The following SEPTIN9 variants were observed in gnomAD, a reference collection of about 807,000 sequenced individuals.
The protein encoded by SEPTIN9 is septin-9.
Under a neutral mutation model 56.6 loss-of-function variants are expected in SEPTIN9, and 13 were observed. The observed-to-expected ratio is 0.23, with a 90% confidence interval of 0.15 to 0.37. SEPTIN9 has a LOEUF of 0.37. Among genes scored for constraint, SEPTIN9 ranks in the 10% least tolerant of loss-of-function variants. The pLI, the probability that SEPTIN9 is intolerant of heterozygous loss-of-function variation, is 1.00. For missense variants in SEPTIN9, 650 were observed against 823.1 expected, an observed-to-expected ratio of 0.79 and a Z score of 2.57; for synonymous variants, 332 against 334.1, an observed-to-expected ratio of 0.99 and a Z score of 0.07.
intron 2 of SEPTIN9, among the ~76,000 whole-genome samples, chr17:77,372,827 C>T (rs1025078115): frequency 2.0e-5 from 3 of 152,228 alleles, no homozygotes; most frequent in Admixed American, 6.5e-5. Context: ...CTGCGCCCCT[C>T]GGCTCTTGAG....
Position 77,369,243 on chromosome 17 carries a change from G to GAA in SEPTIN9, c.77-32813_77-32812dup, listed in dbSNP as rs2034651667. ...AGTGAGACCCTGTCAAAAAAGAAAAGAAAAGAAAGAAATTGGCCAAGGCAG... is the reference window on the plus strand; with the variant it reads ...AGTGAGACCCTGTCAAAAAAGAAAAGAAAAAAGAAAGAAATTGGCCAAGGCAG... On this transcript the variant is annotated intron_variant, in intron 2 of 11. Coordinates refer to ENST00000427177, the MANE Select transcript of SEPTIN9 (RefSeq NM_001113491.2). This position sits in a 1 kb window ranked among gnomAD's most constrained non-coding sequence, Gnocchi z 4.9. Among the ~76,000 whole-genome samples, 1 of 152,068 alleles carries GAA rather than the reference G, an allele frequency of 6.6e-6. No individual in the cohort carries two copies. The highest frequency in any genetic ancestry group is 1.5e-5 in the Non-Finnish European group (1 of 67,986).
intron 3 of SEPTIN9, among the ~76,000 whole-genome samples, chr17:77,477,855 C>T (rs943004367): frequency 1.3e-5 from 2 of 152,114 alleles, no homozygotes; most frequent in South Asian, 2.1e-4. Context: ...TGAGAGTCGA[C>T]GTGGGTACTG....
intron 2 of SEPTIN9, among the ~76,000 whole-genome samples, chr17:77,341,501 G>A (rs1290754474): frequency 1.3e-5 from 2 of 152,244 alleles, no homozygotes; most frequent in African/African-American, 2.4e-5. Flanking sequence ...ATCACTGGGC[G>A]CGGTGGCCCA....
intron 2 of SEPTIN9, among the ~76,000 whole-genome samples, chr17:77,363,586 C>T (rs1051675512): frequency 6.6e-6 from 1 of 151,902 alleles, no homozygotes; most frequent in African/African-American, 2.4e-5. Context: ...TGGTGTTTCA[C>T]CATGTTGGCC....
At chr17:77,299,655 C>A (rs937730095) in intron 1 of SEPTIN9, among the ~76,000 whole-genome samples, 1 of 152,180 alleles carries the variant, frequency 6.6e-6, no homozygotes, top group Non-Finnish European at 1.5e-5. Context: ...TAGGTGAGAC[C>A]CAGAGTCCCA....
chr17:77,456,629 G>T lies in SEPTIN9; in HGVS notation c.722-25515G>T, dbSNP rs1014314571. On this transcript the variant is annotated intron_variant, in intron 3 of 11. Coordinates refer to ENST00000427177, the MANE Select transcript of SEPTIN9 (RefSeq NM_001113491.2). The surrounding 1 kb of genome is among the most constrained non-coding windows in gnomAD (Gnocchi z 6.0). ...GTACCAGATCTCAGGGACCAGCACC[G>T]GGTACCCACAGCCAGGGACAGGCCT... 1 of 149,486 alleles carries T rather than the reference G, an allele frequency of 6.7e-6. No homozygotes were observed. Among genetic ancestry groups the T allele is most frequent in the African/African-American group, 2.4e-5 (1 of 41,002 alleles). 9.3% of individuals were successfully genotyped at this position (149,486 alleles called of 1,614,324 possible). A position where few individuals can be genotyped will look rare whatever the true frequency, so the allele number is the denominator to read the frequency against.
rs1377141879 is a variant in SEPTIN9 at position 77,436,026 on chromosome 17, C to G, written c.721+33323C>G. ...GCGCGTGTTCTCTTGGCCTCAGCCT[C>G]GTGTGTGTGTTTATGCATGGGTACT... On this transcript the variant is annotated intron_variant, in intron 3 of 11. Transcript: ENST00000427177. This position sits in a 1 kb window ranked among gnomAD's most constrained non-coding sequence, Gnocchi z 4.4. Among the ~76,000 whole-genome samples the G allele has an allele frequency of 6.6e-6, 1 of 152,166 alleles. No homozygotes were observed. Among genetic ancestry groups the G allele is most frequent in the Non-Finnish European group, 1.5e-5 (1 of 68,028 alleles).
At chr17:77,386,082 G>A (rs1306255245) in intron 2 of SEPTIN9, among the ~76,000 whole-genome samples, 1 of 151,662 alleles carries the variant, frequency 6.6e-6, no homozygotes, top group Non-Finnish European at 1.5e-5. Flanking sequence ...TGGCGCTTGT[G>A]ACTCCTGCAT....
At chr17:77,365,615 C>T (rs2034548771) in intron 2 of SEPTIN9, among the ~76,000 whole-genome samples, 1 of 152,134 alleles carries the variant, frequency 6.6e-6, no homozygotes, top group Non-Finnish European at 1.5e-5. Context: ...GCAGGACAGG[C>T]CCTGTGGAGC....
chr17:77,352,250 A>C (rs2034088510), intron 2 of SEPTIN9, among the ~76,000 whole-genome samples: 1 of 151,576 alleles, frequency 6.6e-6, no homozygotes, highest in South Asian at 2.1e-4. Context: ...ACAAAAAAAA[A>C]AAAAAAATTA....
At chr17:77,302,542 G>A (rs2032096872) in intron 1 of SEPTIN9, among the ~76,000 whole-genome samples, 1 of 152,156 alleles carries the variant, frequency 6.6e-6, no homozygotes, top group Admixed American at 6.5e-5. Context: ...GCCGGGCGTG[G>A]TAGTGCATGC....
intron 2 of SEPTIN9, among the ~76,000 whole-genome samples, chr17:77,364,255 C>A (rs755269722): frequency 6.6e-6 from 1 of 152,222 alleles, no homozygotes; most frequent in African/African-American, 2.4e-5. Context: ...GCCAAGAGCG[C>A]GAGCCGAGGC....
At chr17:77,364,254 G>A (rs945681257) in intron 2 of SEPTIN9, among the ~76,000 whole-genome samples, 2 of 152,262 alleles carry the variant, frequency 1.3e-5, no homozygotes, top group African/African-American at 2.4e-5. Context: ...GGCCAAGAGC[G>A]CGAGCCGAGG....
intron 2 of SEPTIN9, among the ~76,000 whole-genome samples, chr17:77,359,802 A>C (rs1278724872): frequency 1.3e-5 from 2 of 149,156 alleles, no homozygotes; most frequent in Admixed American, 1.3e-4. Context: ...CTCTAAAAAC[A>C]ATAAAATAAA....
chr17:77,343,139 G>C (rs2033791107), intron 2 of SEPTIN9, among the ~76,000 whole-genome samples: 1 of 152,138 alleles, frequency 6.6e-6, no homozygotes, highest in African/African-American at 2.4e-5. Flanking sequence ...GAGGCGACTG[G>C]TGGCTGGAGG....
rs312836 is a variant in SEPTIN9, at chr17:77,453,236, C to T, written c.722-28908C>T. Among the ~76,000 whole-genome samples the T allele has an allele frequency of 1, 152,012 of 152,186 alleles. 75,920 individuals are homozygous for T. The highest frequency in any genetic ancestry group is 1 in the Middle Eastern group (294 of 294). On this transcript the variant is annotated intron_variant, in intron 3 of 11. Transcript: ENST00000427177. The surrounding 1 kb of genome is among the most constrained non-coding windows in gnomAD (Gnocchi z 4.4). ...TGCGACTTCTGCCCTGAGAGCCCTG[C>T]TTTAATGGAAGGCGGGGGCATAGTT...
rs72887170 is a variant in SEPTIN9 at position 77,471,424 on chromosome 17, C to A, written c.722-10720C>A. Among the ~76,000 whole-genome samples, 1,102 of 152,368 alleles carry A rather than the reference C, an allele frequency of 7.2e-3. 6 individuals are homozygous for A. The highest frequency in any genetic ancestry group is 0.012 in the South Asian group (59 of 4,830). The stretch of plus-strand genomic sequence containing the variant: ...AGCTTTTTTTCTACCCAGCACCTGG[C>A]AGGGGGCCACCCTGTTGCACCCCAG... On this transcript the variant is annotated intron_variant, in intron 3 of 11. Transcript: ENST00000427177.
intron 3 of SEPTIN9, among the ~76,000 whole-genome samples, chr17:77,440,724 G>A (rs575179247): frequency 4.6e-5 from 7 of 152,246 alleles, no homozygotes; most frequent in Non-Finnish European, 8.8e-5. Flanking sequence ...CTGCACAGGT[G>A]CCATCTCCTT....
intron 3 of SEPTIN9, among the ~76,000 whole-genome samples, chr17:77,442,622 C>T (rs977520916): frequency 1.3e-5 from 2 of 151,242 alleles, no homozygotes; most frequent in African/African-American, 2.4e-5. Context: ...CCTGTAATCC[C>T]GGCACTTCGG....
Sources: gnomAD v4.1 joint callset for allele counts (sites outside exome capture counted in the v4.1 genomes callset) on GRCh38, gnomAD v4.1.1 for gene constraint, Gnocchi (gnomAD v3.1) non-coding constraint, MANE v1.5 for transcripts, NCBI Gene and HGNC (gene_info 2026-07-23, HGNC 2026-07-21) for gene names.